The following KLHDC2 variants were observed in gnomAD, a reference collection of about 807,000 sequenced individuals.
The protein encoded by KLHDC2 is kelch domain-containing protein 2.
Under a neutral mutation model 62.3 loss-of-function variants are expected in KLHDC2, and 38 were observed. That is an observed-to-expected ratio of 0.61 (90% confidence interval 0.47 to 0.80). The LOEUF (loss-of-function observed/expected upper bound fraction) is 0.80, where lower values mean the gene tolerates loss of function less well. Among genes scored for constraint, KLHDC2 ranks in the 30% least tolerant of loss-of-function variants. KLHDC2 has a pLI of 0.00. For synonymous variants in KLHDC2, 159 were observed against 161.0 expected (o/e 0.99, Z 0.09); for missense variants, 430 against 495.3 (o/e 0.87, Z 1.25).
intron 3 of KLHDC2, among the ~76,000 whole-genome samples, chr14:49,776,747 C>T (rs1181706134): frequency 1.3e-5 from 2 of 151,866 alleles, no homozygotes; most frequent in African/African-American, 2.4e-5. Flanking sequence ...GACAAAAACT[C>T]GTCTCTACTA....
chr14:49,782,808 C>T (rs1889970614), intron 12 of KLHDC2, 22 bp from the exon 13 acceptor site: 1 of 1,605,112 alleles, frequency 6.2e-7, no homozygotes, highest in Non-Finnish European at 8.5e-7. Flanking sequence ...AATTACTTTT[C>T]TCTTTCCTTG....
chr14:49,777,639 G>A (rs144064793), intron 3 of KLHDC2, among the ~76,000 whole-genome samples, 200 bp from the exon 4 acceptor site: 57 of 152,056 alleles, frequency 3.7e-4, no homozygotes, highest in South Asian at 1.5e-3. Flanking sequence ...AGCTAACAGC[G>A]TGCTTAGTGA....
Position 49,782,361 on chromosome 14 carries a change from T to C in KLHDC2, c.957-9T>C, listed in dbSNP as rs781738751. 6.9e-6 allele frequency: 11 copies of C among 1,596,066 alleles called. No homozygotes were observed. The Admixed American group carries it at 1.2e-4, about 18-fold the overall frequency. ...GGTGGCTTCAAACTCGTTTTTGTTT[T>C]AAATGCAGGTTATGGCACACAGCTT... On this transcript the variant is annotated splice_polypyrimidine_tract_variant and intron_variant, in intron 10 of 12. Coordinates refer to ENST00000298307, the MANE Select transcript of KLHDC2 (RefSeq NM_014315.3).
At chr14:49,776,142 T>C (rs908065103) in intron 3 of KLHDC2, among the ~76,000 whole-genome samples, 1 of 152,168 alleles carries the variant, frequency 6.6e-6, no homozygotes, top group Non-Finnish European at 1.5e-5. Context: ...TGCTTAGTAT[T>C]TTGCTTGAAG....
rs1344856760 is a variant in KLHDC2 at position 49,780,023 on chromosome 14, G to C, written c.774-190G>C. 6 of 615,894 alleles carry C rather than the reference G, an allele frequency of 9.7e-6. No individual in the cohort carries two copies. In the Admixed American group the frequency reaches 1.2e-4, roughly 12 times the overall value. The allele number at this position is 615,894 out of a possible 1,614,324, so 38.2% of individuals were successfully genotyped here. On this transcript the variant is annotated intron_variant, in intron 8 of 12. Transcript: ENST00000298307. ...GCATGTGCTCAGTGTTTGTTGAAAG[G>C]AAAAGGTCTGAAGTTGATTCTAACG...
chr14:49,780,407 A>G (rs1889867438), intron 9 of KLHDC2, 85 bp downstream of exon 9: 2 of 935,360 alleles, frequency 2.1e-6, no homozygotes, highest in Admixed American at 1.8e-5. Flanking sequence ...GAGACTGATG[A>G]GACGGCTTAT....
At chr14:49,769,455 T>C (rs909451432) in intron 1 of KLHDC2, among the ~76,000 whole-genome samples, 3 of 152,188 alleles carry the variant, frequency 2.0e-5, no homozygotes, top group Admixed American at 6.5e-5. Context: ...GCCCGTGCCT[T>C]GGATGACTTG....
rs1889587667 is a variant in KLHDC2 at position 49,768,382 on chromosome 14, G to T, written c.-87G>T. ...CGCCACCGCCTTTTCCTTGCCTCGC[G>T]CCGCTGTGCATTTCTCTCCTTTTCC... On this transcript the variant is annotated 5_prime_UTR_variant, in exon 1 of 13. Coordinates refer to ENST00000298307, the MANE Select transcript of KLHDC2 (RefSeq NM_014315.3). 3 of 1,420,300 alleles carry T rather than the reference G, an allele frequency of 2.1e-6. No individual in the cohort carries two copies. In the African/African-American group the frequency reaches 4.4e-5, roughly 21 times the overall value. 88.0% of individuals were successfully genotyped at this position (1,420,300 alleles called of 1,614,324 possible).
intron 1 of KLHDC2, 121 bp downstream of exon 1, chr14:49,768,742 C>A: frequency 1.1e-6 from 1 of 888,646 alleles, no homozygotes; most frequent in Non-Finnish European, 1.6e-6. Context: ...TCGCGCGCCC[C>A]ACCTCAGACT....
rs1030924194 is a variant in KLHDC2, at chr14:49,783,579, A to G, written c.*626A>G. The G allele has an allele frequency of 6.6e-6, 1 of 152,176 alleles. No individual in the cohort carries two copies. The highest frequency in any genetic ancestry group is 6.6e-5 in the Admixed American group (1 of 15,264). 9.4% of individuals were successfully genotyped at this position (152,176 alleles called of 1,614,324 possible). A position where few individuals can be genotyped will look rare whatever the true frequency, so the allele number is the denominator to read the frequency against. On this transcript the variant is annotated 3_prime_UTR_variant, in exon 13 of 13. Coordinates refer to ENST00000298307, the MANE Select transcript of KLHDC2 (RefSeq NM_014315.3). ...TTATAGCTCATGAAGGAATGGAAAT[A>G]ATGATGACATCATTTTCCATTCTGT...
At chr14:49,780,929 A>G (rs1439951128) in intron 10 of KLHDC2, among the ~76,000 whole-genome samples, 154 bp downstream of exon 10, 3 of 152,222 alleles carry the variant, frequency 2.0e-5, no homozygotes, top group Non-Finnish European at 4.4e-5. Context: ...TTATCCTAGT[A>G]TCGAATGATC....
intron 2 of KLHDC2, among the ~76,000 whole-genome samples, chr14:49,773,862 C>T (rs1416419246): frequency 6.6e-6 from 1 of 152,118 alleles, no homozygotes; most frequent in Non-Finnish European, 1.5e-5. Context: ...AGGCATGAGC[C>T]ACCGCGCCCA....
At chr14:49,771,567 T>C in intron 1 of KLHDC2, 27 bp from the exon 2 acceptor site, 1 of 1,016,732 alleles carries the variant, frequency 9.8e-7, no homozygotes, top group Non-Finnish European at 1.5e-6. Context: ...TACCAGTTTT[T>C]ATATTTACAA....
intron 1 of KLHDC2, 99 bp from the exon 2 acceptor site, chr14:49,771,495 T>C (rs1889663158): frequency 1.6e-6 from 1 of 635,320 alleles, no homozygotes; most frequent in Non-Finnish European, 2.8e-6. Flanking sequence ...CTATTTTTCA[T>C]ACTAATTATG....
chr14:49,784,513 T>C lies in KLHDC2; in HGVS notation c.*1560T>C, dbSNP rs934783583. 6.0e-6 allele frequency: 4 copies of C among 668,350 alleles called. No individual in the cohort carries two copies. The highest frequency in any genetic ancestry group is 7.7e-6 in the Non-Finnish European group (3 of 388,720). 41.4% of individuals were successfully genotyped at this position (668,350 alleles called of 1,614,324 possible). A position where few individuals can be genotyped will look rare whatever the true frequency, so the allele number is the denominator to read the frequency against. On this transcript the variant is annotated 3_prime_UTR_variant, in exon 13 of 13. Transcript: ENST00000298307. ...AAGAAGTAAGTCCTTTTGGTGAATA[T>C]AGCAAGGCAATGTTTAGTTCATTTT...
rs922378935 is a variant in KLHDC2 at position 49,768,293 on chromosome 14, C to T, written c.-176C>T. 9.2e-6 allele frequency: 6 copies of T among 655,602 alleles called. No homozygotes were observed. Among genetic ancestry groups the T allele is most frequent in the Non-Finnish European group, 1.5e-5 (6 of 413,500 alleles). 40.6% of individuals were successfully genotyped at this position (655,602 alleles called of 1,614,324 possible). A position where few individuals can be genotyped will look rare whatever the true frequency, so the allele number is the denominator to read the frequency against. Reference sequence around the variant, plus strand: ...TGCCCCGGCGGCGGCGGAGAGCCGTCCTCGGCCGAGGAGGCTGGGAAACGC... The same window carrying T: ...TGCCCCGGCGGCGGCGGAGAGCCGTTCTCGGCCGAGGAGGCTGGGAAACGC... On this transcript the variant is annotated 5_prime_UTR_variant, in exon 1 of 13. Coordinates refer to ENST00000298307, the MANE Select transcript of KLHDC2 (RefSeq NM_014315.3).
At position 49,785,021 on chromosome 14, in the gene KLHDC2, GAGTA is replaced by G. The variant is rs749537590; in HGVS notation, c.*2071_*2074del. On this transcript the variant is annotated 3_prime_UTR_variant, in exon 13 of 13. Transcript: ENST00000298307. ...TTTTTGCAGCTGTAAATACAAAAAA[GAGTA>G]AGAATAATCTACTGTTAAGTCACTG... The G allele has an allele frequency of 2.8e-4, 445 of 1,610,990 alleles. No individual in the cohort carries two copies. The highest frequency in any genetic ancestry group is 3.6e-4 in the Non-Finnish European group (428 of 1,177,514).
chr14:49,782,272 T>TAAGA, intron 10 of KLHDC2, 98 bp from the exon 11 acceptor site: 1 of 747,968 alleles, frequency 1.3e-6, no homozygotes, highest in Admixed American at 2.7e-5. Flanking sequence ...TGAACTACCT[T>TAAGA]AAGATCGCTA....
chr14:49,782,113 C>T, intron 10 of KLHDC2: 1 of 431,670 alleles, frequency 2.3e-6, no homozygotes, highest in Non-Finnish European at 4.1e-6. Flanking sequence ...TAACAAAGAC[C>T]TAGAGAACAG....
Sources: allele counts gnomAD v4.1 joint callset (sites outside exome capture counted in the v4.1 genomes callset), GRCh38; gene constraint gnomAD v4.1.1; transcripts MANE v1.5; gene names NCBI Gene and HGNC (gene_info 2026-07-23, HGNC 2026-07-21).